The following GMDS variants were observed in gnomAD, a reference collection of about 807,000 sequenced individuals.
GMDS encodes GDP-mannose 4,6-dehydratase.
GMDS carries 20 observed loss-of-function variants against 49.9 expected under a neutral mutation model. The observed-to-expected ratio is 0.40, with a 90% CI of 0.28 to 0.58. GMDS has a LOEUF of 0.58. Among genes scored for constraint, GMDS ranks in the 20% least tolerant of loss-of-function variants. The pLI is 0.42. For missense variants in GMDS, 362 were observed against 481.4 expected (o/e 0.75, Z 2.32); for synonymous variants, 177 against 178.6 (o/e 0.99, Z 0.07).
At chr6:1,666,425 T>C (rs1275950260) in intron 9 of GMDS, among the ~76,000 whole-genome samples, 2 of 152,206 alleles carry the variant, frequency 1.3e-5, no homozygotes, top group Non-Finnish European at 2.9e-5. Flanking sequence ...CCCTGACCCT[T>C]CCTCTACCCT....
At chr6:1,697,461 G>C (rs1381000948) in intron 9 of GMDS, among the ~76,000 whole-genome samples, 2 of 152,210 alleles carry the variant, frequency 1.3e-5, no homozygotes, top group Non-Finnish European at 2.9e-5. Context: ...TAGAGTCTAG[G>C]CTGGTAACAA....
chr6:1,799,909 G>A lies in GMDS; in HGVS notation c.772-57323C>T, dbSNP rs3800071. 1.5e-3 allele frequency among the ~76,000 whole-genome samples: 230 copies of A among 152,260 alleles called. 4 individuals are homozygous for A. The East Asian group carries it at 0.038, about 25-fold the overall frequency. The stretch of plus-strand genomic sequence containing the variant: ...ACACATTTATATCGGTTGGAGATTT[G>A]TTTAGATTAACAGACTCTCCAAGGG... On this transcript the variant is annotated intron_variant, in intron 7 of 10. Transcript: ENST00000380815.
At chr6:1,649,924 A>G (rs1430080743) in intron 9 of GMDS, among the ~76,000 whole-genome samples, 1 of 152,128 alleles carries the variant, frequency 6.6e-6, no homozygotes, top group Admixed American at 6.5e-5. Context: ...CTGTCAAGAG[A>G]GGCCTTGAAA....
intron 6 of GMDS, among the ~76,000 whole-genome samples, chr6:1,949,610 T>C (rs919297893): frequency 3.3e-5 from 5 of 152,176 alleles, no homozygotes; most frequent in African/African-American, 1.2e-4. Context: ...TTACACCTCA[T>C]CTCTCCACAA....
At chr6:1,704,568 A>T (rs1765658687) in intron 9 of GMDS, among the ~76,000 whole-genome samples, 1 of 152,228 alleles carries the variant, frequency 6.6e-6, no homozygotes, top group South Asian at 2.1e-4. Flanking sequence ...GAGGGCCAGG[A>T]CAGGTGGATG....
rs114620951 is a variant in GMDS at position 1,736,985 on chromosome 6, G to A, written c.890+5483C>T. Among the ~76,000 whole-genome samples, 653 of 152,198 alleles carry A rather than the reference G, an allele frequency of 4.3e-3. 3 individuals carry two copies. The highest frequency in any genetic ancestry group is 0.014 in the African/African-American group (597 of 41,512). On this transcript the variant is annotated intron_variant, in intron 8 of 10. Transcript: ENST00000380815. Reference sequence around the variant, plus strand: ...CTTCTCAGGAGCTGTCTTCAAGATCGGCCTCCAGAGGCTTCATGAAGCTTA... The same window carrying A: ...CTTCTCAGGAGCTGTCTTCAAGATCAGCCTCCAGAGGCTTCATGAAGCTTA...
At chr6:2,106,885 A>G (rs1294476107) in intron 4 of GMDS, among the ~76,000 whole-genome samples, 1 of 151,918 alleles carries the variant, frequency 6.6e-6, no homozygotes, top group Non-Finnish European at 1.5e-5. Flanking sequence ...AAAAAAGGAA[A>G]AGTTTTACTC....
intron 9 of GMDS, among the ~76,000 whole-genome samples, chr6:1,665,055 G>A (rs905162803): frequency 1.3e-5 from 2 of 152,128 alleles, no homozygotes; most frequent in Non-Finnish European, 2.9e-5. Context: ...GCAGTTGGCA[G>A]TTTATCTTTG....
chr6:1,824,573 A>G (rs111346348), intron 7 of GMDS, among the ~76,000 whole-genome samples: 30 of 152,216 alleles, frequency 2.0e-4, no homozygotes, highest in Non-Finnish European at 4.0e-4. Flanking sequence ...GGTCTCTCCC[A>G]TGAAGTTTTC....
chr6:2,245,560 C>G lies in GMDS; in HGVS notation c.-138G>C. On this transcript the variant is annotated 5_prime_UTR_variant, in exon 1 of 11. Coordinates refer to ENST00000380815, the MANE Select transcript of GMDS (RefSeq NM_001500.4). ...AGGGAGGGAGAGCGCACCGCGCGAC[C>G]GGCCGCCACAGTCTGACAGGGGCGC... 2.3e-6 allele frequency: 1 copy of G among 441,586 alleles called. No homozygotes were observed. The highest frequency in any genetic ancestry group is 5.6e-5 in the South Asian group (1 of 18,018). 27.4% of individuals were successfully genotyped at this position (441,586 alleles called of 1,614,324 possible). A position where few individuals can be genotyped will look rare whatever the true frequency, so the allele number is the denominator to read the frequency against.
At chr6:2,189,051 A>C (rs368416122) in intron 1 of GMDS, among the ~76,000 whole-genome samples, 1 of 152,230 alleles carries the variant, frequency 6.6e-6, no homozygotes, top group Non-Finnish European at 1.5e-5. Context: ...TTTCATAGTT[A>C]TATGAACTGG....
intron 1 of GMDS, among the ~76,000 whole-genome samples, chr6:2,170,464 G>GA (rs1251720939): frequency 6.6e-6 from 1 of 151,518 alleles, no homozygotes; most frequent in South Asian, 2.1e-4. Context: ...TACCTCTACA[G>GA]AAAAAAATAA....
intron 7 of GMDS, among the ~76,000 whole-genome samples, chr6:1,871,115 A>G (rs1344947165): frequency 6.6e-6 from 1 of 151,944 alleles, no homozygotes; most frequent in Non-Finnish European, 1.5e-5. Context: ...TACTCTGAAC[A>G]TCCACAAGGA....
chr6:2,052,526 T>C (rs564046990), intron 4 of GMDS, among the ~76,000 whole-genome samples: 4 of 152,166 alleles, frequency 2.6e-5, no homozygotes, highest in African/African-American at 7.2e-5. Flanking sequence ...AACTGAAATA[T>C]CTTTGCCATC....
chr6:2,208,982 G>C (rs2127581565), intron 1 of GMDS, among the ~76,000 whole-genome samples: 1 of 152,126 alleles, frequency 6.6e-6, no homozygotes, highest in South Asian at 2.1e-4. Flanking sequence ...TAATTCTCAA[G>C]CTCAGTTTTA....
chr6:2,065,510 T>G (rs1026121786), intron 4 of GMDS, among the ~76,000 whole-genome samples: 3 of 152,114 alleles, frequency 2.0e-5, no homozygotes. Context: ...GCAAAGAAGT[T>G]GAAAACTTTG....
intron 1 of GMDS, among the ~76,000 whole-genome samples, chr6:2,137,184 T>C (rs1469128677): frequency 6.6e-6 from 1 of 152,206 alleles, no homozygotes; most frequent in Non-Finnish European, 1.5e-5. Context: ...TATTGACTTA[T>C]ATTATGAAAA....
intron 1 of GMDS, among the ~76,000 whole-genome samples, chr6:2,152,864 G>A (rs1041651145): frequency 6.6e-6 from 1 of 152,034 alleles, no homozygotes; most frequent in Non-Finnish European, 1.5e-5. Context: ...AGATACCAAT[G>A]ATATAATCAA....
intron 7 of GMDS, among the ~76,000 whole-genome samples, chr6:1,927,836 G>A (rs576322272): frequency 4.6e-5 from 7 of 152,044 alleles, no homozygotes; most frequent in East Asian, 3.9e-4. Context: ...CTCCTACCCC[G>A]GCCAATTACA....
Sources: allele counts gnomAD v4.1 joint callset (sites outside exome capture counted in the v4.1 genomes callset), GRCh38; gene constraint gnomAD v4.1.1; transcripts MANE v1.5; gene names NCBI Gene and HGNC (gene_info 2026-07-23, HGNC 2026-07-21).